DNAH6: variants seen among roughly 807,000 people sequenced by gnomAD.
DNAH6 encodes dynein axonemal heavy chain 6.
A neutral mutation model predicts 491.4 loss-of-function variants in DNAH6; 340 were observed. The observed-to-expected ratio is 0.69, with a 90% CI of 0.63 to 0.76. The LOEUF is 0.76. Ranked by LOEUF, DNAH6 falls within the 30% of genes least tolerant of loss-of-function variation. The probability of loss-of-function intolerance (pLI) is 0.00; values close to 1 mark genes in which losing one functional copy is unlikely to be tolerated. For missense variants in DNAH6, 4,443 were observed against 4,972.2 expected (o/e 0.89, Z 3.20); for synonymous variants, 1,603 against 1,686.1 (o/e 0.95, Z 1.21).
chr2:84,511,439 G>A, the DNAH6 span, among the ~76,000 whole-genome samples: 1 of 143,998 alleles, frequency 6.9e-6, no homozygotes, highest in Non-Finnish European at 1.5e-5. Context: ...GTATTAGGGT[G>A]GGAGTGACCC....
intron 56 of DNAH6, 21 bp from the exon 57 acceptor site, chr2:84,713,074 T>A (rs1419730719): frequency 6.5e-7 from 1 of 1,543,762 alleles, no homozygotes; most frequent in Admixed American, 2.0e-5. Context: ...TGTATTGTCC[T>A]GTTTTGTTTT....
intron 40 of DNAH6, among the ~76,000 whole-genome samples, chr2:84,674,380 G>A (rs1290803918): frequency 1.3e-5 from 2 of 152,160 alleles, no homozygotes; most frequent in African/African-American, 4.8e-5. Flanking sequence ...TCCAGGTAGA[G>A]CACTTTCTGT....
At chr2:84,799,180 G>T (rs923491257) in intron 70 of DNAH6, among the ~76,000 whole-genome samples, 1 of 152,018 alleles carries the variant, frequency 6.6e-6, no homozygotes, top group Non-Finnish European at 1.5e-5. Flanking sequence ...TAGAGACAGG[G>T]TTTCACCATG....
intron 18 of DNAH6, among the ~76,000 whole-genome samples, chr2:84,602,893 G>T (rs1352373752): frequency 1.4e-5 from 2 of 145,560 alleles, no homozygotes; most frequent in African/African-American, 2.5e-5. Context: ...CCGTGGCTGT[G>T]TTAAACCCTT....
intron 45 of DNAH6, among the ~76,000 whole-genome samples, chr2:84,692,418 TA>T (rs2104784504): frequency 1.6e-3 from 1 of 624 alleles, no homozygotes; most frequent in Non-Finnish European, 4.2e-3. Context: ...ATAAATAAGG[TA>T]GATAGATAGA....
rs766527094 is a variant in DNAH6 at position 84,796,288 on chromosome 2, A to G, written c.11240-18A>G. 1 of 1,445,274 alleles carries G rather than the reference A, an allele frequency of 6.9e-7. No homozygotes were observed. The highest frequency in any genetic ancestry group is 1.5e-5 in the South Asian group (1 of 65,344). The allele number at this position is 1,445,274 out of a possible 1,614,324, so 89.5% of individuals were successfully genotyped here. A position where few individuals can be genotyped will look rare whatever the true frequency, so the allele number is the denominator to read the frequency against. ...TTTTAAAAACAGCAATAATTTCAAA[A>G]TACAAATTTCTTTTCAGGTGAAATT... On this transcript the variant is annotated intron_variant, in intron 68 of 76. Transcript: ENST00000389394.
intron 23 of DNAH6, among the ~76,000 whole-genome samples, chr2:84,618,922 C>G (rs373057185): frequency 6.6e-6 from 1 of 152,126 alleles, no homozygotes; most frequent in South Asian, 2.1e-4. Flanking sequence ...ACAGACAGTA[C>G]GTCTGCATGG....
At position 84,718,259 on chromosome 2, in the gene DNAH6, G is replaced by A. The variant is rs754558386; in HGVS notation, c.9667G>A (p.Val3223Met). 9.0e-6 allele frequency: 14 copies of A among 1,548,864 alleles called. No homozygotes were observed. Among genetic ancestry groups the A allele is most frequent in the East Asian group, 2.5e-5 (1 of 40,764 alleles). Reference protein sequence around the residue: ...RLEEQRIKLIVRINTDKNQLK... With the variant: ...RLEEQRIKLIMRINTDKNQLK... ...GGAAGAACAAAGAATTAAGCTCATCGTGAGGATCAACACTGATAAAAACCA... is the reference window on the plus strand; with the variant it reads ...GGAAGAACAAAGAATTAAGCTCATCATGAGGATCAACACTGATAAAAACCA... The change falls in exon 59 of 77, where the codon GTG becomes ATG. Residue 3223 changes from valine (V) to methionine (M), a missense_variant. By Grantham distance (21) the Val-to-Met change is conservative. This residue lies in a region of DNAH6 where 1,463 missense variants were observed against 1,656.6 expected (regional missense o/e 0.88). Transcript: ENST00000389394.
At chr2:84,617,116 A>G (rs1686933489) in intron 23 of DNAH6, 134 bp downstream of exon 23, 3 of 560,644 alleles carry the variant, frequency 5.4e-6, no homozygotes, top group Middle Eastern at 4.6e-4. Flanking sequence ...TGAAAATCCA[A>G]CTAGTTATCG....
chr2:84,682,718 C>A (rs751593682), intron 42 of DNAH6, among the ~76,000 whole-genome samples: 8 of 152,188 alleles, frequency 5.3e-5, no homozygotes, highest in Non-Finnish European at 1.0e-4. Context: ...ATAGTCCTGA[C>A]AGCTTTATTT....
chr2:84,610,197 A>G (rs543061743), intron 21 of DNAH6, among the ~76,000 whole-genome samples: 1 of 152,338 alleles, frequency 6.6e-6, no homozygotes, highest in Non-Finnish European at 1.5e-5. Flanking sequence ...CTCAGCTCCT[A>G]GATGTTGCCA....
At chr2:84,511,744 A>C (rs1675338406), upstream of DNAH6, among the ~76,000 whole-genome samples, 1 of 152,194 alleles carries the variant, frequency 6.6e-6, no homozygotes, top group Admixed American at 6.5e-5. Context: ...GATTTTTATC[A>C]GATGCTTTTT....
chr2:84,787,189 G>A lies in DNAH6; in HGVS notation c.11126G>A (p.Gly3709Asp). The change falls in exon 68 of 77, where the codon GGT (glycine) becomes GAT (aspartate). Residue 3709 changes from glycine to aspartate, a missense_variant. Physicochemically the swap from Gly to Asp is moderately conservative, Grantham distance 94. Transcript: ENST00000389394. ...IQERKKFGPL[G>D]WNICYEFNDS... The stretch of plus-strand genomic sequence containing the variant: ...GAGAGAAAGAAGTTTGGCCCCCTTG[G>A]TTGGAATATCTGCTATGAATTTAAT... 1 of 1,529,062 alleles carries A rather than the reference G, an allele frequency of 6.5e-7. No homozygotes were observed. The highest frequency in any genetic ancestry group is 8.8e-7 in the Non-Finnish European group (1 of 1,136,202). The allele number at this position is 1,529,062 out of a possible 1,614,324, so 94.7% of individuals were successfully genotyped here.
At chr2:84,560,722 T>C in intron 11 of DNAH6, among the ~76,000 whole-genome samples, 1 of 152,162 alleles carries the variant, frequency 6.6e-6, no homozygotes, top group Non-Finnish European at 1.5e-5. Context: ...TGGTTTTTTG[T>C]CCTTGTGATA....
At chr2:84,480,945 A>C in the DNAH6 span, among the ~76,000 whole-genome samples, 1 of 152,030 alleles carries the variant, frequency 6.6e-6, no homozygotes, top group Admixed American at 6.5e-5. Context: ...CCTGGGTGCC[A>C]GAGCAAGACT....
intron 33 of DNAH6, among the ~76,000 whole-genome samples, chr2:84,650,413 G>A (rs1391898538): frequency 6.6e-6 from 1 of 151,172 alleles, no homozygotes; most frequent in Non-Finnish European, 1.5e-5. Context: ...TCTTTCCTCT[G>A]TCCCTTCCAT....
intron 52 of DNAH6, among the ~76,000 whole-genome samples, chr2:84,706,062 C>T (rs533286224): frequency 2.5e-4 from 38 of 152,168 alleles, no homozygotes; most frequent in Non-Finnish European, 4.6e-4. Context: ...TAAATACTTC[C>T]GTGCTTGATG....
chr2:84,763,488 C>A (rs553564227), intron 64 of DNAH6, among the ~76,000 whole-genome samples: 1 of 152,102 alleles, frequency 6.6e-6, no homozygotes, highest in East Asian at 1.9e-4. Context: ...CTAATCCTCT[C>A]CAAGATGTCA....
the DNAH6 span, among the ~76,000 whole-genome samples, chr2:84,485,530 T>C: frequency 6.6e-6 from 1 of 152,100 alleles, no homozygotes; most frequent in African/African-American, 2.4e-5. Flanking sequence ...CATTAAGACC[T>C]AGGATGAGTA....
Sources: allele counts gnomAD v4.1 joint callset (sites outside exome capture counted in the v4.1 genomes callset), GRCh38; gene constraint gnomAD v4.1.1; regional missense constraint gnomAD v4.1.1; transcripts MANE v1.5; gene names NCBI Gene and HGNC (gene_info 2026-07-23, HGNC 2026-07-21).